Variants in FAM13B observed in about 807,000 individuals in gnomAD.
FAM13B encodes the protein family with sequence similarity 13 member B.
FAM13B carries 60 observed loss-of-function variants against 117.3 expected under a neutral mutation model. The observed-to-expected ratio is 0.51, with a 90% CI of 0.42 to 0.63. The LOEUF (loss-of-function observed/expected upper bound fraction) is 0.63, where lower values mean the gene tolerates loss of function less well. FAM13B is among the 30% of genes least tolerant of loss of function. The pLI, the probability that FAM13B is intolerant of heterozygous loss-of-function variation, is 0.00. For missense variants in FAM13B, 972 were observed against 1,091.9 expected (o/e 0.89, Z 1.55); for synonymous variants, 332 against 356.1 (o/e 0.93, Z 0.76).
chr5:137,969,607 G>C (rs535579148), intron 10 of FAM13B, among the ~76,000 whole-genome samples: 1 of 152,358 alleles, frequency 6.6e-6, no homozygotes, highest in East Asian at 1.9e-4. Flanking sequence ...AAAGCTGGAC[G>C]GAGAATGACT....
intron 4 of FAM13B, among the ~76,000 whole-genome samples, chr5:138,014,739 T>C (rs1026316339): frequency 6.6e-6 from 1 of 152,240 alleles, no homozygotes; most frequent in African/African-American, 2.4e-5. Flanking sequence ...TTATTTGAAA[T>C]ACTATCCACA....
intron 14 of FAM13B, among the ~76,000 whole-genome samples, chr5:137,955,592 G>A (rs1319746174): frequency 6.6e-6 from 1 of 151,902 alleles, no homozygotes; most frequent in Non-Finnish European, 1.5e-5. Context: ...AAGCACAGGA[G>A]GGAAAGAAAA....
At position 137,942,863 on chromosome 5, in the gene FAM13B, C is replaced by A. The variant is rs1308456229; in HGVS notation, c.2588+12G>T. 2 of 1,583,310 alleles carry A rather than the reference C, an allele frequency of 1.3e-6. No homozygotes were observed. The highest frequency in any genetic ancestry group is 2.7e-5 in the African/African-American group (2 of 72,772). ...ATAAAAATAGGCTAAAATCACAAATCAGCATACATACATAGAAGCTGCTCG... is the reference window on the plus strand; with the variant it reads ...ATAAAAATAGGCTAAAATCACAAATAAGCATACATACATAGAAGCTGCTCG... On this transcript the variant is annotated intron_variant, in intron 22 of 23. Coordinates refer to ENST00000689681, the MANE Select transcript of FAM13B (RefSeq NM_001385994.1).
chr5:138,030,940 G>A (rs1789795454), intron 1 of FAM13B, among the ~76,000 whole-genome samples: 1 of 151,746 alleles, frequency 6.6e-6, no homozygotes, highest in South Asian at 2.1e-4. Flanking sequence ...GGCTAAGTCA[G>A]AAGAATCGTT....
chr5:138,051,744 T>C (rs1250840948), intron 1 of FAM13B: 1 of 152,186 alleles, frequency 6.6e-6, no homozygotes, highest in Non-Finnish European at 1.5e-5. Context: ...AGATGAGAAA[T>C]GTGAGAACCA....
rs568311667 is a variant in FAM13B, at chr5:137,985,482, C to T, written c.1047-93G>A. 26 of 1,252,170 alleles carry T rather than the reference C, an allele frequency of 2.1e-5. No individual in the cohort carries two copies. The South Asian group carries it at 3.7e-4, about 18-fold the overall frequency. 77.6% of individuals were successfully genotyped at this position (1,252,170 alleles called of 1,614,324 possible). On this transcript the variant is annotated intron_variant, in intron 9 of 23. Transcript: ENST00000689681. ...AGTAAATATCAATAATGATCTGAAA[C>T]TTTTACTTGTTAAAGAAAATGTGTA...
chr5:138,014,258 T>A (rs1392256028), intron 4 of FAM13B, among the ~76,000 whole-genome samples: 1 of 152,174 alleles, frequency 6.6e-6, no homozygotes. Flanking sequence ...GATTTTCATC[T>A]AGTTTTTTTC....
intron 20 of FAM13B, among the ~76,000 whole-genome samples, chr5:137,945,362 T>G (rs1763151677): frequency 1.3e-5 from 2 of 152,262 alleles, no homozygotes; most frequent in African/African-American, 4.8e-5. Context: ...GTTTTCATTT[T>G]TCTTTAAAAA....
At chr5:138,044,726 A>G (rs1791596627) in intron 1 of FAM13B, among the ~76,000 whole-genome samples, 1 of 152,292 alleles carries the variant, frequency 6.6e-6, no homozygotes, top group Admixed American at 6.5e-5. Flanking sequence ...AAAACATTCA[A>G]CCCAAAAAGG....
At chr5:138,020,293 C>A (rs975477007) in intron 2 of FAM13B, among the ~76,000 whole-genome samples, 8 of 152,190 alleles carry the variant, frequency 5.3e-5, no homozygotes, top group African/African-American at 1.4e-4. Context: ...CTCCTGACCT[C>A]ATGTGATCAG....
chr5:138,031,390 A>T (rs1317224707), intron 1 of FAM13B, among the ~76,000 whole-genome samples: 1 of 152,164 alleles, frequency 6.6e-6, no homozygotes, highest in Non-Finnish European at 1.5e-5. Flanking sequence ...AGCACGGATT[A>T]AAAAAGTAAG....
chr5:137,949,040 T>C lies in FAM13B; in HGVS notation c.2075A>G (p.Lys692Arg). 6.2e-7 allele frequency: 1 copy of C among 1,614,096 alleles called. No homozygotes were observed. Among genetic ancestry groups the C allele is most frequent in the Non-Finnish European group, 8.5e-7 (1 of 1,180,020 alleles). The change falls in exon 18 of 24, where the codon AAA (lysine) becomes AGA (arginine). Residue 692 changes from lysine (K) to arginine (R), a missense_variant. Coordinates refer to ENST00000689681, the MANE Select transcript of FAM13B (RefSeq NM_001385994.1). ...DEPKVIQKEK[K>R]PSKEATLELI... ...TTCAAGGGTTGCTTCTTTAGATGGT[T>C]TTTTCTCCTTCTGAATGACCTTGGG...
At chr5:137,988,737 C>T (rs1295293821) in intron 7 of FAM13B, among the ~76,000 whole-genome samples, 3 of 152,180 alleles carry the variant, frequency 2.0e-5, no homozygotes, top group Non-Finnish European at 4.4e-5. Context: ...CTGCTATTAA[C>T]AAAGATGCTC....
At chr5:138,017,311 A>G (rs1031016022) in intron 4 of FAM13B, among the ~76,000 whole-genome samples, 1 of 152,200 alleles carries the variant, frequency 6.6e-6, no homozygotes, top group Admixed American at 6.6e-5. Context: ...AAAATTTAAG[A>G]AAAAGACGGA....
In FAM13B at chr5:137,949,084, A is replaced by C. The variant is rs1347759638; in HGVS notation, c.2031T>G (p.Asp677Glu). ...KSFGSSLDHE[D>E]EENEDEPKVI... is the part of the protein sequence containing the mutation. ...CCTTGGGTTCATCTTCATTCTCTTC[A>C]TCTTCATGGTCTAGAGAAGAGCCAA... Residue 677 changes from aspartate (D) to glutamate (E), a missense_variant, in exon 18 of 24, where the codon GAT becomes GAG. Coordinates refer to ENST00000689681, the MANE Select transcript of FAM13B (RefSeq NM_001385994.1). The C allele has an allele frequency of 6.2e-7, 1 of 1,613,918 alleles. No individual in the cohort carries two copies. The highest frequency in any genetic ancestry group is 1.7e-5 in the Admixed American group (1 of 60,024).
chr5:138,011,966 G>A (rs1302905373), intron 4 of FAM13B, 21 bp from the exon 5 acceptor site: 17 of 1,518,184 alleles, frequency 1.1e-5, no homozygotes, highest in Middle Eastern at 4.5e-4. Context: ...ATAATAACAG[G>A]TTTTTTTCAA....
At chr5:138,045,495 T>C (rs1791615052) in intron 1 of FAM13B, among the ~76,000 whole-genome samples, 1 of 151,730 alleles carries the variant, frequency 6.6e-6, no homozygotes, top group African/African-American at 2.4e-5. Context: ...ACTGTACCAT[T>C]GCACTTCAGC....
At chr5:138,013,298 G>A (rs187844002) in intron 4 of FAM13B, among the ~76,000 whole-genome samples, 25 of 152,064 alleles carry the variant, frequency 1.6e-4, no homozygotes, top group Admixed American at 8.5e-4. Flanking sequence ...TCAGGAGATC[G>A]AGACCATCCT....
chr5:137,979,999 T>TAA (rs10709915), intron 10 of FAM13B, among the ~76,000 whole-genome samples: 11 of 95,498 alleles, frequency 1.2e-4, no homozygotes, highest in Non-Finnish European at 1.3e-4. Flanking sequence ...CTGTCTCTAC[T>TAA]AAAAAAAAAA....
Sources: allele counts gnomAD v4.1 joint callset (sites outside exome capture counted in the v4.1 genomes callset), GRCh38; gene constraint gnomAD v4.1.1; transcripts MANE v1.5; gene names NCBI Gene and HGNC (gene_info 2026-07-23, HGNC 2026-07-21).